The following LUZP2 variants were observed in gnomAD, a reference collection of about 807,000 sequenced individuals.
LUZP2 encodes the protein leucine zipper protein 2.
In LUZP2, 52 loss-of-function variants were observed where a neutral mutation model predicts 51.6. The observed-to-expected ratio is 1.01, with a 90% CI of 0.81 to 1.27. The LOEUF is 1.27. Among genes scored for constraint, LUZP2 ranks in the 50% most tolerant of loss-of-function variants. The pLI, the probability that LUZP2 is intolerant of heterozygous loss-of-function variation, is 0.00. For synonymous variants in LUZP2, 154 were observed against 137.3 expected (o/e 1.12, Z -0.85); for missense variants, 436 against 395.4 (o/e 1.10, Z -0.87).
At chr11:24,932,747 G>C (rs1045926605) in intron 7 of LUZP2, among the ~76,000 whole-genome samples, 3 of 152,118 alleles carry the variant, frequency 2.0e-5, no homozygotes, top group Non-Finnish European at 4.4e-5. Flanking sequence ...AAGGCAATTG[G>C]GTTTTCAGGT....
At chr11:24,959,478 G>A (rs900829024) in intron 7 of LUZP2, among the ~76,000 whole-genome samples, 2 of 152,100 alleles carry the variant, frequency 1.3e-5, no homozygotes, top group African/African-American at 4.8e-5. Context: ...CACGTCCCTT[G>A]TAAGTTGGAT....
chr11:24,990,272 C>T (rs1037187081), intron 9 of LUZP2, among the ~76,000 whole-genome samples: 1 of 151,980 alleles, frequency 6.6e-6, no homozygotes, highest in African/African-American at 2.4e-5. Flanking sequence ...TTTAAACATG[C>T]ACACACACAT....
intron 1 of LUZP2, among the ~76,000 whole-genome samples, chr11:24,710,499 A>G (rs1857768882): frequency 6.6e-6 from 1 of 152,212 alleles, no homozygotes; most frequent in African/African-American, 2.4e-5. Context: ...TTAATAAAAA[A>G]ACTAACACAT....
chr11:24,784,031 G>A (rs953490489), intron 5 of LUZP2, among the ~76,000 whole-genome samples: 1 of 151,794 alleles, frequency 6.6e-6, no homozygotes, highest in Non-Finnish European at 1.5e-5. Flanking sequence ...GGCCTTTCTT[G>A]CGTGGCTTCA....
At chr11:24,526,668 A>C (rs975181180) in intron 1 of LUZP2, among the ~76,000 whole-genome samples, 18 of 151,348 alleles carry the variant, frequency 1.2e-4, no homozygotes, top group African/African-American at 4.1e-4. Flanking sequence ...CAGTTACTAT[A>C]ATATATTAAA....
At chr11:24,881,433 T>C (rs1852466221) in intron 5 of LUZP2, among the ~76,000 whole-genome samples, 1 of 152,102 alleles carries the variant, frequency 6.6e-6, no homozygotes, top group Admixed American at 6.6e-5. Flanking sequence ...GGATGAGTCA[T>C]GTCTAAAGAG....
chr11:25,039,718 C>A (rs997545982), intron 9 of LUZP2, among the ~76,000 whole-genome samples: 1 of 152,142 alleles, frequency 6.6e-6, no homozygotes, highest in Non-Finnish European at 1.5e-5. Context: ...TCCCCCAGTC[C>A]CTTCACTCGT....
At chr11:24,576,004 T>C (rs1364168034) in intron 1 of LUZP2, among the ~76,000 whole-genome samples, 6 of 152,166 alleles carry the variant, frequency 3.9e-5, no homozygotes, top group Admixed American at 6.6e-5. Flanking sequence ...CAATGTCATA[T>C]ATGTTATTTG....
chr11:24,819,057 T>C (rs1020535598), intron 5 of LUZP2, among the ~76,000 whole-genome samples: 5 of 152,084 alleles, frequency 3.3e-5, no homozygotes, highest in Non-Finnish European at 7.4e-5. Context: ...ATAATAGATA[T>C]ACAGGGAAGA....
At chr11:24,942,261 T>C (rs1854773120) in intron 7 of LUZP2, among the ~76,000 whole-genome samples, 2 of 152,138 alleles carry the variant, frequency 1.3e-5, no homozygotes, top group Admixed American at 1.3e-4. Context: ...ATATGTTATT[T>C]TTTAAATTGT....
chr11:25,073,061 AGCTTGAAGCAAGCT>A lies in LUZP2; in HGVS notation c.859-4267_859-4254del. 3.9e-5 allele frequency among the ~76,000 whole-genome samples: 6 copies of A among 152,252 alleles called. 1 individual carries two copies. In the Middle Eastern group the frequency reaches 0.017, roughly 432 times the overall value. ...ACACACTTTAAAAAGGGGGTGGGCTAGCTTGAAGCAAGCTTACAGTTACAGTGGCTCAAAAGCAA... is the reference window on the plus strand; with the variant it reads ...ACACACTTTAAAAAGGGGGTGGGCTATACAGTTACAGTGGCTCAAAAGCAA... On this transcript the variant is annotated intron_variant, in intron 10 of 11. Coordinates refer to ENST00000336930, the MANE Select transcript of LUZP2 (RefSeq NM_001009909.4).
At chr11:24,861,170 C>A (rs1851729941) in intron 5 of LUZP2, among the ~76,000 whole-genome samples, 1 of 152,060 alleles carries the variant, frequency 6.6e-6, no homozygotes, top group African/African-American at 2.4e-5. Flanking sequence ...CAAGTATCAA[C>A]AGACAAATCA....
At chr11:24,625,568 T>C (rs11028078) in intron 1 of LUZP2, among the ~76,000 whole-genome samples, 5,046 of 152,180 alleles carry the variant, frequency 0.033, 112 homozygotes, top group South Asian at 0.11. Flanking sequence ...GAAAAATAAA[T>C]TTAGAACATA....
In LUZP2 at chr11:24,609,729, CAAAAAAAAAAA is replaced by C. The variant is rs34436907; in HGVS notation, c.62+112443_62+112453del. On this transcript the variant is annotated intron_variant, in intron 1 of 11. Coordinates refer to ENST00000336930, the MANE Select transcript of LUZP2 (RefSeq NM_001009909.4). ...TGGATGATAGAGCAAGACTCCAGCT[CAAAAAAAAAAA>C]AAAAAAAAAAAAAAAAAAGAGATGG... 1.1e-4 allele frequency among the ~76,000 whole-genome samples: 7 copies of C among 65,912 alleles called. No homozygotes were observed. In the South Asian group the frequency reaches 2.7e-3, roughly 25 times the overall value. 43.2% of individuals were successfully genotyped at this position (65,912 alleles called of 152,430 possible). A position where few individuals can be genotyped will look rare whatever the true frequency, so the allele number is the denominator to read the frequency against.
In LUZP2 at chr11:24,497,132, C is replaced by G; in HGVS notation, c.-112C>G. Reference sequence around the variant, plus strand: ...TGTGCCCGTCTCCGCCTTTCCGCCTCGGAAGAGCGCTCATCACTGGCTGGG... The same window carrying G: ...TGTGCCCGTCTCCGCCTTTCCGCCTGGGAAGAGCGCTCATCACTGGCTGGG... On this transcript the variant is annotated 5_prime_UTR_variant, in exon 1 of 12. Transcript: ENST00000336930. 1.0e-6 allele frequency: 1 copy of G among 984,458 alleles called. No individual in the cohort carries two copies. The highest frequency in any genetic ancestry group is 1.4e-6 in the Non-Finnish European group (1 of 708,294). 61.0% of individuals were successfully genotyped at this position (984,458 alleles called of 1,614,324 possible).
chr11:24,625,389 T>A (rs1370765358), intron 1 of LUZP2, among the ~76,000 whole-genome samples: 2 of 148,654 alleles, frequency 1.3e-5, no homozygotes, highest in Non-Finnish European at 3.0e-5. Context: ...GGAAGGAAGG[T>A]AGGAAAAAAA....
chr11:25,055,298 T>G (rs764552306), intron 10 of LUZP2, among the ~76,000 whole-genome samples: 9 of 152,128 alleles, frequency 5.9e-5, no homozygotes, highest in Non-Finnish European at 1.2e-4. Context: ...CGTAAGCCAC[T>G]GTGCCTGGCC....
intron 1 of LUZP2, among the ~76,000 whole-genome samples, chr11:24,574,348 T>G: frequency 7.8e-6 from 1 of 128,286 alleles, no homozygotes; most frequent in Non-Finnish European, 1.6e-5. Context: ...CTTCCTTCCT[T>G]TCCTCCCTCC....
intron 1 of LUZP2, among the ~76,000 whole-genome samples, chr11:24,631,489 T>A (rs1854887599): frequency 6.6e-6 from 1 of 152,028 alleles, no homozygotes; most frequent in East Asian, 1.9e-4. Flanking sequence ...ATAGTTTTTA[T>A]CCTTAGTCCT....
Sources: gnomAD v4.1 joint callset for allele counts (sites outside exome capture counted in the v4.1 genomes callset) on GRCh38, gnomAD v4.1.1 for gene constraint, MANE v1.5 for transcripts, NCBI Gene and HGNC (gene_info 2026-07-23, HGNC 2026-07-21) for gene names.